ZSWIM6: variants seen among roughly 807,000 people sequenced by gnomAD.
The protein encoded by ZSWIM6 is zinc finger SWIM domain-containing protein 6.
Under a neutral mutation model 113.2 loss-of-function variants are expected in ZSWIM6, and 9 were observed. The observed-to-expected ratio is 0.08, with a 90% confidence interval of 0.05 to 0.14. The LOEUF (loss-of-function observed/expected upper bound fraction) is 0.14, where lower values mean the gene tolerates loss of function less well. ZSWIM6 is among the 10% of genes least tolerant of loss of function. The probability of loss-of-function intolerance (pLI) is 1.00; values close to 1 mark genes in which losing one functional copy is unlikely to be tolerated. For missense variants in ZSWIM6, 1,162 were observed against 1,552.2 expected (o/e 0.75, Z 4.22); for synonymous variants, 611 against 606.5 (o/e 1.01, Z -0.11).
intron 1 of ZSWIM6, among the ~76,000 whole-genome samples, chr5:61,446,513 A>G (rs888063234): frequency 5.8e-4 from 88 of 152,296 alleles, no homozygotes; most frequent in African/African-American, 2.0e-3. Flanking sequence ...TTTATCAACA[A>G]AATCACACAA....
intron 2 of ZSWIM6, among the ~76,000 whole-genome samples, chr5:61,480,726 C>G (rs373475222): frequency 9.9e-5 from 15 of 152,270 alleles, no homozygotes; most frequent in African/African-American, 3.6e-4. Context: ...TTCTAGTTCT[C>G]TCCTCTCTGC....
intron 1 of ZSWIM6, among the ~76,000 whole-genome samples, chr5:61,449,592 A>G (rs564812903): frequency 2.6e-5 from 4 of 152,246 alleles, no homozygotes; most frequent in East Asian, 1.9e-4. Context: ...CCACTTCACA[A>G]TTCTCTGGTA....
chr5:61,510,896 G>A (rs750516524), intron 4 of ZSWIM6, among the ~76,000 whole-genome samples: 21 of 152,070 alleles, frequency 1.4e-4, no homozygotes, highest in Non-Finnish European at 2.6e-4. Flanking sequence ...GGTTTGGGCC[G>A]AGTCCTTAAA....
chr5:61,530,185 C>T lies in ZSWIM6; in HGVS notation c.1971C>T (p.Phe657=). The stretch of plus-strand genomic sequence containing the variant: ...TTGATGATGAGAACCTCTCTGGGTT[C>T]TCAGATTTTACAGGTAAAACCATTG... ...CRIDDENLSG[F]SDFTENMGQC... Residue 657 remains phenylalanine (F), a synonymous_variant, in exon 8 of 14, where the codon TTC becomes TTT. Transcript: ENST00000252744. 1 of 1,550,814 alleles carries T rather than the reference C, an allele frequency of 6.4e-7. No homozygotes were observed. The highest frequency in any genetic ancestry group is 8.7e-7 in the Non-Finnish European group (1 of 1,146,426).
chr5:61,537,643 C>A (rs1239666077), intron 10 of ZSWIM6, among the ~76,000 whole-genome samples: 1 of 151,926 alleles, frequency 6.6e-6, no homozygotes, highest in Non-Finnish European at 1.5e-5. Context: ...CTGCTGACAT[C>A]TTTTTGTTCC....
intron 1 of ZSWIM6, among the ~76,000 whole-genome samples, chr5:61,433,006 T>C (rs531397489): frequency 2.0e-5 from 3 of 152,302 alleles, no homozygotes; most frequent in Non-Finnish European, 4.4e-5. Context: ...TTTTTTCTTC[T>C]TCGGAACATG....
chr5:61,417,783 AAT>A (rs1746285682), intron 1 of ZSWIM6, among the ~76,000 whole-genome samples: 1 of 152,124 alleles, frequency 6.6e-6, no homozygotes, highest in South Asian at 2.1e-4. Context: ...AGTTTTGGAG[AAT>A]GGGTAGATTG....
chr5:61,438,532 C>T (rs970609511), intron 1 of ZSWIM6, among the ~76,000 whole-genome samples: 16 of 152,106 alleles, frequency 1.1e-4, no homozygotes, highest in Non-Finnish European at 1.9e-4. Context: ...AGGGAAGAGA[C>T]CTAATAAAAA....
chr5:61,384,217 C>A (rs1745546920), intron 1 of ZSWIM6, among the ~76,000 whole-genome samples: 1 of 140,298 alleles, frequency 7.1e-6, no homozygotes, highest in African/African-American at 2.7e-5. Flanking sequence ...GTCCGCAGTC[C>A]AGCCTAGGCG....
At chr5:61,352,749 A>G (rs898680861) in intron 1 of ZSWIM6, among the ~76,000 whole-genome samples, 2 of 152,260 alleles carry the variant, frequency 1.3e-5, no homozygotes, top group Non-Finnish European at 2.9e-5. Context: ...GTGGATTTAT[A>G]TGACATAGTC....
chr5:61,381,832 G>A (rs1425658231), intron 1 of ZSWIM6, among the ~76,000 whole-genome samples: 1 of 152,156 alleles, frequency 6.6e-6, no homozygotes, highest in Non-Finnish European at 1.5e-5. Context: ...GTAGTTTTTT[G>A]TGTGGATACA....
chr5:61,520,294 T>G (rs902021801), intron 4 of ZSWIM6, among the ~76,000 whole-genome samples: 6 of 152,200 alleles, frequency 3.9e-5, no homozygotes, highest in Non-Finnish European at 8.8e-5. Flanking sequence ...TGTGAAAAGC[T>G]TTGGAATACT....
At chr5:61,518,111 C>T (rs1749007302) in intron 4 of ZSWIM6, among the ~76,000 whole-genome samples, 1 of 152,014 alleles carries the variant, frequency 6.6e-6, no homozygotes, top group Non-Finnish European at 1.5e-5. Flanking sequence ...CTACAAAGGA[C>T]ATGAACTCAT....
intron 1 of ZSWIM6, among the ~76,000 whole-genome samples, chr5:61,363,905 C>A (rs553686158): frequency 2.7e-5 from 4 of 148,656 alleles, no homozygotes; most frequent in Non-Finnish European, 6.0e-5. Context: ...TCCCTCCTTC[C>A]TTCCTTCCAT....
chr5:61,414,105 A>C (rs1344642026), intron 1 of ZSWIM6, among the ~76,000 whole-genome samples: 1 of 152,048 alleles, frequency 6.6e-6, no homozygotes, highest in Non-Finnish European at 1.5e-5. Context: ...AAAGGAATTG[A>C]CTTGAGTGTA....
intron 1 of ZSWIM6, among the ~76,000 whole-genome samples, chr5:61,384,234 C>T (rs545484042): frequency 7.7e-6 from 1 of 129,426 alleles, no homozygotes; most frequent in Non-Finnish European, 1.5e-5. Flanking sequence ...GGCGACAGAG[C>T]GAGACTCCGT....
chr5:61,415,623 G>A (rs1444250568), intron 1 of ZSWIM6, among the ~76,000 whole-genome samples: 1 of 151,186 alleles, frequency 6.6e-6, no homozygotes, highest in Non-Finnish European at 1.5e-5. Context: ...TGATTCCTAT[G>A]TAAGAATATG....
intron 1 of ZSWIM6, among the ~76,000 whole-genome samples, chr5:61,356,693 ACATATTT>A (rs1238526771): frequency 5.8e-5 from 8 of 137,246 alleles, no homozygotes; most frequent in South Asian, 2.1e-4. Context: ...TATATAATAT[ACATATTT>A]TATATATATA....
intron 1 of ZSWIM6, among the ~76,000 whole-genome samples, chr5:61,381,765 T>C (rs931316682): frequency 3.3e-5 from 5 of 152,318 alleles, no homozygotes; most frequent in African/African-American, 9.6e-5. Flanking sequence ...CCTTTAGTAA[T>C]TGAGGTATTC....
Sources: allele counts gnomAD v4.1 joint callset (sites outside exome capture counted in the v4.1 genomes callset), GRCh38; gene constraint gnomAD v4.1.1; transcripts MANE v1.5; gene names NCBI Gene and HGNC (gene_info 2026-07-23, HGNC 2026-07-21).